Variants in NEK10 observed in about 807,000 individuals in gnomAD.
NEK10 encodes NIMA related kinase 10.
NEK10 carries 122 observed loss-of-function variants against 159.8 expected under a neutral mutation model. The observed-to-expected ratio is 0.76, with a 90% CI of 0.66 to 0.89. The LOEUF (loss-of-function observed/expected upper bound fraction) is 0.89, where lower values mean the gene tolerates loss of function less well. Among genes scored for constraint, NEK10 ranks in the 40% least tolerant of loss-of-function variants. The pLI is 0.00. For synonymous variants in NEK10, 466 were observed against 457.1 expected, an observed-to-expected ratio of 1.02 and a Z score of -0.25; for missense variants, 1,342 against 1,323.1, an observed-to-expected ratio of 1.01 and a Z score of -0.22.
intron 1 of NEK10, among the ~76,000 whole-genome samples, chr3:27,353,884 CA>C (rs1354351799): frequency 2.0e-5 from 3 of 152,038 alleles, no homozygotes; most frequent in African/African-American, 7.3e-5. Flanking sequence ...AGAGATTTAG[CA>C]TCTATTTTTA....
At chr3:27,217,225 C>A (rs1300367121) in intron 23 of NEK10, among the ~76,000 whole-genome samples, 1 of 152,124 alleles carries the variant, frequency 6.6e-6, no homozygotes. Flanking sequence ...CCAACTCTAG[C>A]ATAACATTAC....
At chr3:27,296,311 T>C (rs1364828665) in intron 14 of NEK10, among the ~76,000 whole-genome samples, 1 of 152,212 alleles carries the variant, frequency 6.6e-6, no homozygotes, top group Non-Finnish European at 1.5e-5. Flanking sequence ...GAAATTAGTC[T>C]ATAATTTCCT....
chr3:27,159,683 A>T (rs1323957235), intron 30 of NEK10, among the ~76,000 whole-genome samples: 1 of 152,084 alleles, frequency 6.6e-6, no homozygotes, highest in Non-Finnish European at 1.5e-5. Flanking sequence ...TTATTGATAC[A>T]ATTTAGTAAT....
intron 30 of NEK10, among the ~76,000 whole-genome samples, chr3:27,143,630 CT>C (rs1440722978): frequency 3.3e-5 from 5 of 152,150 alleles, no homozygotes. Flanking sequence ...CTTTTGATTA[CT>C]TAGTTATTAA....
intron 23 of NEK10, among the ~76,000 whole-genome samples, chr3:27,230,850 T>C (rs1953174355): frequency 6.6e-6 from 1 of 151,976 alleles, no homozygotes; most frequent in Non-Finnish European, 1.5e-5. Context: ...CACCTAACAC[T>C]GGAGCTCCCA....
chr3:27,165,200 T>C (rs182521013), intron 29 of NEK10, among the ~76,000 whole-genome samples: 88 of 152,330 alleles, frequency 5.8e-4, no homozygotes, highest in African/African-American at 1.9e-3. Flanking sequence ...TGCATAGAGA[T>C]AGCAGAAAAT....
chr3:27,262,237 T>C (rs981376756), intron 22 of NEK10, among the ~76,000 whole-genome samples: 5 of 152,228 alleles, frequency 3.3e-5, no homozygotes, highest in African/African-American at 1.2e-4. Context: ...GTGGGTAACC[T>C]GACCTTTCTC....
chr3:27,234,635 C>A (rs1030136715), intron 23 of NEK10, among the ~76,000 whole-genome samples: 1 of 152,140 alleles, frequency 6.6e-6, no homozygotes, highest in African/African-American at 2.4e-5. Context: ...AATGGAAAAA[C>A]ATTCCATGTT....
intron 23 of NEK10, among the ~76,000 whole-genome samples, chr3:27,206,998 C>T (rs1435407845): frequency 6.6e-6 from 1 of 152,152 alleles, no homozygotes; most frequent in Non-Finnish European, 1.5e-5. Flanking sequence ...GCACTTCAAA[C>T]CTAGTCACTT....
intron 26 of NEK10, among the ~76,000 whole-genome samples, chr3:27,188,487 G>T (rs989701155): frequency 3.9e-5 from 6 of 152,220 alleles, no homozygotes; most frequent in African/African-American, 1.4e-4. Context: ...TTCTGTTATA[G>T]ATGTGAAAGC....
intron 23 of NEK10, among the ~76,000 whole-genome samples, chr3:27,248,822 A>G (rs1955362653): frequency 6.6e-6 from 1 of 152,210 alleles, no homozygotes; most frequent in Admixed American, 6.5e-5. Context: ...AAGAATGTAT[A>G]TTCTGTAGCC....
chr3:27,230,859 C>T (rs941529047), intron 23 of NEK10, among the ~76,000 whole-genome samples: 2 of 151,870 alleles, frequency 1.3e-5, no homozygotes, highest in African/African-American at 4.8e-5. Flanking sequence ...CTGGAGCTCC[C>T]AGATTTATAA....
rs57891369 is a variant in NEK10, at chr3:27,191,297, G to GA, written c.2505+731dup. ...TGCCTTGGGCCCACCCCCAGAACAGGAAAAAAAAAAAAAGGATGAAAGTCC... is the reference window on the plus strand; with the variant it reads ...TGCCTTGGGCCCACCCCCAGAACAGGAAAAAAAAAAAAAAGGATGAAAGTCC... On this transcript the variant is annotated intron_variant, in intron 26 of 35. Transcript: ENST00000691995. 9.8e-3 allele frequency among the ~76,000 whole-genome samples: 1,381 copies of GA among 140,632 alleles called. 16 individuals are homozygous for GA. The highest frequency in any genetic ancestry group is 0.03 in the African/African-American group (1,140 of 38,588). The allele number at this position is 140,632 out of a possible 152,430, so 92.3% of individuals were successfully genotyped here.
At chr3:27,251,412 C>T (rs1955652091) in intron 23 of NEK10, among the ~76,000 whole-genome samples, 1 of 152,132 alleles carries the variant, frequency 6.6e-6, no homozygotes, top group Non-Finnish European at 1.5e-5. Flanking sequence ...AGTACCATCC[C>T]TTTAGTGCTG....
Position 27,174,745 on chromosome 3 carries a change from G to A in NEK10, c.2594C>T (p.Pro865Leu), listed in dbSNP as rs140958685. 3.2e-5 allele frequency: 52 copies of A among 1,613,580 alleles called. No homozygotes were observed. The highest frequency in any genetic ancestry group is 5.0e-5 in the Admixed American group (3 of 59,936). The change falls in exon 27 of 36, where the codon CCT becomes CTT. Residue 865 changes from proline to leucine, a missense_variant. Transcript: ENST00000691995. Reference sequence around the variant, plus strand: ...ACCATAGGAGGCCTGGAAGCCTTCAGGGGGCAGGTCTGCGCTTTCTGAAAG... The same window carrying A: ...ACCATAGGAGGCCTGGAAGCCTTCAAGGGGCAGGTCTGCGCTTTCTGAAAG... ...SELSESADLPPEGFQASYGKD... is the reference protein window; with the variant it reads ...SELSESADLPLEGFQASYGKD...
chr3:27,228,418 T>C (rs1952863234), intron 23 of NEK10, among the ~76,000 whole-genome samples: 1 of 152,196 alleles, frequency 6.6e-6, no homozygotes, highest in African/African-American at 2.4e-5. Flanking sequence ...ATTTTCTCAG[T>C]GGTCCAAAAC....
intron 30 of NEK10, among the ~76,000 whole-genome samples, chr3:27,151,295 C>T (rs75999720): frequency 7.9e-5 from 12 of 152,108 alleles, no homozygotes; most frequent in South Asian, 2.1e-4. Flanking sequence ...CTGGCACCCA[C>T]GGTTGAGAGA....
intron 18 of NEK10, 45 bp downstream of exon 18, chr3:27,291,217 G>T: frequency 6.4e-7 from 1 of 1,574,526 alleles, no homozygotes. Flanking sequence ...TGTGACATCC[G>T]GTTTGGTTGG....
intron 23 of NEK10, among the ~76,000 whole-genome samples, chr3:27,205,231 T>C (rs2149063648): frequency 6.7e-6 from 1 of 149,980 alleles, no homozygotes; most frequent in African/African-American, 2.4e-5. Context: ...TGGATAAACA[T>C]TCCATGCTCA....
Sources: allele counts gnomAD v4.1 joint callset (sites outside exome capture counted in the v4.1 genomes callset), GRCh38; gene constraint gnomAD v4.1.1; transcripts MANE v1.5; gene names NCBI Gene and HGNC (gene_info 2026-07-23, HGNC 2026-07-21).